Variants in DAB1 observed in about 807,000 individuals in gnomAD.
DAB1 encodes the protein DAB adaptor protein 1, also known as disabled homolog 1.
DAB1 carries 15 observed loss-of-function variants against 64.6 expected under a neutral mutation model. The observed-to-expected ratio is 0.23, with a 90% confidence interval of 0.16 to 0.36. DAB1 has a LOEUF of 0.36. DAB1 is among the 10% of genes least tolerant of loss of function. The pLI is 1.00. For synonymous variants in DAB1, 235 were observed against 251.9 expected, an observed-to-expected ratio of 0.93 and a Z score of 0.64; for missense variants, 596 against 706.7, an observed-to-expected ratio of 0.84 and a Z score of 1.78.
intron 5 of DAB1, among the ~76,000 whole-genome samples, chr1:57,900,086 G>C (rs1041300428): frequency 6.6e-6 from 1 of 152,096 alleles, no homozygotes; most frequent in Non-Finnish European, 1.5e-5. Context: ...TTCCAGGTAT[G>C]AGCCAGGGTG....
intron 5 of DAB1, among the ~76,000 whole-genome samples, chr1:58,063,981 G>T (rs1293396891): frequency 6.6e-6 from 1 of 152,098 alleles, no homozygotes; most frequent in African/African-American, 2.4e-5. Context: ...TACAGATGAG[G>T]GTGTTTATTA....
intron 11 of DAB1, among the ~76,000 whole-genome samples, chr1:57,018,874 C>T (rs1261242034): frequency 6.6e-6 from 1 of 152,222 alleles, no homozygotes; most frequent in Non-Finnish European, 1.5e-5. Context: ...TGCCCTCCAG[C>T]ATTTGCAAAC....
At chr1:58,277,015 G>C (rs899461961) in intron 4 of DAB1, among the ~76,000 whole-genome samples, 40 of 148,878 alleles carry the variant, frequency 2.7e-4, no homozygotes, top group Admixed American at 2.5e-3. Context: ...AAAAGAGAGA[G>C]TGTTGCAGAG....
intron 5 of DAB1, among the ~76,000 whole-genome samples, chr1:57,989,173 A>G (rs368171921): frequency 2.4e-4 from 36 of 152,254 alleles, no homozygotes; most frequent in East Asian, 1.7e-3. Flanking sequence ...TGATGCTAAT[A>G]CCTCATAGAG....
chr1:58,373,444 T>C (rs527781907), intron 3 of DAB1, among the ~76,000 whole-genome samples: 31 of 151,030 alleles, frequency 2.1e-4, no homozygotes, highest in African/African-American at 7.3e-4. Flanking sequence ...GTTCTTGCAA[T>C]AGTTTACTGA....
At chr1:57,981,530 A>G (rs1646065326) in intron 5 of DAB1, among the ~76,000 whole-genome samples, 1 of 152,248 alleles carries the variant, frequency 6.6e-6, no homozygotes, top group African/African-American at 2.4e-5. Flanking sequence ...GTAGAAAAAT[A>G]TCAAAAGAAG....
intron 1 of DAB1, among the ~76,000 whole-genome samples, chr1:58,529,457 T>C (rs1361075362): frequency 6.6e-6 from 1 of 152,240 alleles, no homozygotes; most frequent in Non-Finnish European, 1.5e-5. Context: ...AATGAGGCAC[T>C]CAATACATTT....
intron 7 of DAB1, among the ~76,000 whole-genome samples, chr1:57,501,868 C>T (rs768435252): frequency 3.3e-5 from 5 of 152,122 alleles, no homozygotes; most frequent in Admixed American, 6.5e-5. Context: ...AAACCAACAA[C>T]TATAAATGAT....
At chr1:57,411,789 C>T (rs971284093) in intron 1 of DAB1, among the ~76,000 whole-genome samples, 22 of 152,162 alleles carry the variant, frequency 1.4e-4, no homozygotes, top group Non-Finnish European at 2.2e-4. Flanking sequence ...AGTGACCTGT[C>T]GAGGGTGGTG....
In DAB1 at chr1:57,820,624, G is replaced by A. The variant is rs534901876; in HGVS notation, n.551+63375C>T. 2.0e-5 allele frequency among the ~76,000 whole-genome samples: 3 copies of A among 152,186 alleles called. No homozygotes were observed. The South Asian group carries it at 6.2e-4, about 32-fold the overall frequency. On this transcript the variant is annotated intron_variant and non_coding_transcript_variant, in intron 6 of 20. Transcript: ENST00000485760. ...CATTGCTTCTACTCCAGATTAATAG[G>A]ATCAGCCAAAAGGATGGCTAACATT...
chr1:57,317,143 G>A (rs949405513), intron 1 of DAB1, among the ~76,000 whole-genome samples: 4 of 152,150 alleles, frequency 2.6e-5, no homozygotes, highest in Non-Finnish European at 5.9e-5. Flanking sequence ...GGAACCAAGG[G>A]AAGCCTCCGG....
intron 3 of DAB1, among the ~76,000 whole-genome samples, chr1:58,458,833 A>ACAAAC (rs199766093): frequency 4.0e-5 from 6 of 148,910 alleles, no homozygotes; most frequent in African/African-American, 1.6e-4. Flanking sequence ...AAACAAACAA[A>ACAAAC]AAAAAAAAAC....
intron 1 of DAB1, among the ~76,000 whole-genome samples, chr1:57,418,853 C>T (rs1684689521): frequency 6.6e-6 from 1 of 151,952 alleles, no homozygotes; most frequent in African/African-American, 2.4e-5. Context: ...ATTCCTCAAC[C>T]AAAACCTTCC....
chr1:57,138,679 A>G lies in DAB1; in HGVS notation c.208-2038T>C, dbSNP rs113701169. Among the ~76,000 whole-genome samples, 638 of 152,312 alleles carry G rather than the reference A, an allele frequency of 4.2e-3. 4 individuals carry two copies. Among genetic ancestry groups the G allele is most frequent in the African/African-American group, 0.014 (596 of 41,564 alleles). ...GGGATGCTTTTAAGGAACATGCAGA[A>G]ATGGCCAAAGTATGTCTTTGGAATC... is the stretch of plus-strand genomic sequence containing the variant. On this transcript the variant is annotated intron_variant, in intron 3 of 14. Coordinates refer to ENST00000371236, the MANE Select transcript of DAB1 (RefSeq NM_001365792.1).
At chr1:58,143,882 T>G (rs1654447591) in intron 5 of DAB1, among the ~76,000 whole-genome samples, 1 of 152,232 alleles carries the variant, frequency 6.6e-6, no homozygotes, top group African/African-American at 2.4e-5. Flanking sequence ...TATCTGAATA[T>G]GTATTTTTTC....
chr1:57,001,289 T>A (rs574466017), intron 14 of DAB1, among the ~76,000 whole-genome samples: 17 of 152,094 alleles, frequency 1.1e-4, no homozygotes, highest in African/African-American at 3.4e-4. Flanking sequence ...GCTGTTGATG[T>A]TTTTGTTTGT....
At chr1:57,931,636 A>T (rs1275869525) in intron 5 of DAB1, among the ~76,000 whole-genome samples, 2 of 152,208 alleles carry the variant, frequency 1.3e-5, no homozygotes, top group Non-Finnish European at 2.9e-5. Context: ...TTGTAGGCCC[A>T]GAATTCTTCC....
chr1:57,200,456 T>C (rs1664997592), intron 2 of DAB1, among the ~76,000 whole-genome samples: 1 of 152,196 alleles, frequency 6.6e-6, no homozygotes. Context: ...GTGCTATGTG[T>C]TATGTAGTAT....
rs74570526 is a variant in DAB1, at chr1:57,121,468, G to T, written c.306+15075C>A. 3.8e-3 allele frequency among the ~76,000 whole-genome samples: 574 copies of T among 151,924 alleles called. 5 individuals are homozygous for T. Among genetic ancestry groups the T allele is most frequent in the African/African-American group, 0.014 (560 of 41,450 alleles). ...CAAATGTCTTGCAGTGCATGGGGCA[G>T]CCTTGCAAAAAAGGAATTGTCCCAA... is the stretch of plus-strand genomic sequence containing the variant. On this transcript the variant is annotated intron_variant, in intron 4 of 14. Transcript: ENST00000371236.
Sources: gnomAD v4.1 joint callset for allele counts (sites outside exome capture counted in the v4.1 genomes callset) on GRCh38, gnomAD v4.1.1 for gene constraint, MANE v1.5 for transcripts, NCBI Gene and HGNC (gene_info 2026-07-23, HGNC 2026-07-21) for gene names.